Variants in KDM7A observed in about 807,000 individuals in gnomAD.
KDM7A encodes lysine-specific demethylase 7A.
KDM7A carries 28 observed loss-of-function variants against 114.8 expected under a neutral mutation model. The observed-to-expected ratio is 0.24, with a 90% CI of 0.18 to 0.33. KDM7A has a LOEUF of 0.33. KDM7A is among the 10% of genes least tolerant of loss of function. The pLI, the probability that KDM7A is intolerant of heterozygous loss-of-function variation, is 1.00. For synonymous variants in KDM7A, 423 were observed against 397.8 expected, an observed-to-expected ratio of 1.06 and a Z score of -0.75; for missense variants, 942 against 1,142.5, an observed-to-expected ratio of 0.82 and a Z score of 2.53.
At chr7:140,159,964 A>C (rs1562960278) in intron 1 of KDM7A, among the ~76,000 whole-genome samples, 1 of 151,198 alleles carries the variant, frequency 6.6e-6, no homozygotes, top group Non-Finnish European at 1.5e-5. Context: ...AAAAAAAAAA[A>C]ACCTGTACCC....
At chr7:140,165,882 G>C (rs1317513296) in intron 1 of KDM7A, among the ~76,000 whole-genome samples, 1 of 152,138 alleles carries the variant, frequency 6.6e-6, no homozygotes, top group Non-Finnish European at 1.5e-5. Context: ...AAGCTCTATG[G>C]TAAGAACAAT....
chr7:140,141,912 A>G (rs1235500517), intron 1 of KDM7A, among the ~76,000 whole-genome samples: 1 of 151,178 alleles, frequency 6.6e-6, no homozygotes, highest in Non-Finnish European at 1.5e-5. Context: ...AGAAAGATAT[A>G]TATCTTTGTT....
intron 9 of KDM7A, among the ~76,000 whole-genome samples, chr7:140,116,049 G>A (rs1818524325): frequency 6.6e-6 from 1 of 152,112 alleles, no homozygotes; most frequent in African/African-American, 2.4e-5. Context: ...AGAGCATAGA[G>A]CTTTGGGAAC....
At position 140,085,100 on chromosome 7, in the gene KDM7A, C is replaced by G. The variant is rs1424156155; in HGVS notation, c.*5994G>C. The G allele has an allele frequency of 6.6e-6, 1 of 152,356 alleles. No homozygotes were observed. Among genetic ancestry groups the G allele is most frequent in the Middle Eastern group, 3.2e-3 (1 of 316 alleles). 9.4% of individuals were successfully genotyped at this position (152,356 alleles called of 1,614,324 possible). On this transcript the variant is annotated 3_prime_UTR_variant, in exon 20 of 20. Transcript: ENST00000397560. Reference sequence around the variant, plus strand: ...AAGAAATGCTCTTCAAGCTTCAGCACCCCACCTCCCAGCCACACCCCACGC... The same window carrying G: ...AAGAAATGCTCTTCAAGCTTCAGCAGCCCACCTCCCAGCCACACCCCACGC...
chr7:140,127,492 A>G lies in KDM7A; in HGVS notation c.651T>C (p.Pro217=). The G allele has an allele frequency of 1.9e-6, 3 of 1,613,684 alleles. No homozygotes were observed. The highest frequency in any genetic ancestry group is 2.5e-6 in the Non-Finnish European group (3 of 1,179,594). The change falls in exon 5 of 20, where the codon CCT becomes CCC. Residue 217 remains proline (P), a synonymous_variant. Coordinates refer to ENST00000397560, the MANE Select transcript of KDM7A (RefSeq NM_030647.2). ...TCACATTTAACACTTTTGGTCTGTT[A>G]GGATTCATGAAGTATTTAACATAAT... The part of the protein sequence containing the change: ...LHNYVKYFMN[P]NRPKVLNVIS...
At chr7:140,123,784 T>C (rs1818652839) in intron 7 of KDM7A, among the ~76,000 whole-genome samples, 1 of 152,122 alleles carries the variant, frequency 6.6e-6, no homozygotes, top group South Asian at 2.1e-4. Flanking sequence ...TGGATAAGCC[T>C]AGAAAATAGT....
Position 140,103,458 on chromosome 7 carries a change from C to A in KDM7A, c.1429-1298G>T, listed in dbSNP as rs1036274781. Among the ~76,000 whole-genome samples the A allele has an allele frequency of 9.4e-3, 644 of 68,554 alleles. 8 individuals carry two copies. The highest frequency in any genetic ancestry group is 0.032 in the African/African-American group (586 of 18,484). The allele number at this position is 68,554 out of a possible 152,430, so 45.0% of individuals were successfully genotyped here. On this transcript the variant is annotated intron_variant, in intron 11 of 19. Transcript: ENST00000397560. ...AGGATTTCTCCTAATGTTATCCCTCCCCCCCCCTCCAACCCACGACAGGTC... is the reference window on the plus strand; with the variant it reads ...AGGATTTCTCCTAATGTTATCCCTCACCCCCCCTCCAACCCACGACAGGTC...
intron 1 of KDM7A, among the ~76,000 whole-genome samples, chr7:140,168,922 T>C (rs1270164251): frequency 1.3e-5 from 2 of 152,198 alleles, no homozygotes; most frequent in Non-Finnish European, 2.9e-5. Context: ...ATGAATCCTG[T>C]GGTGTTATAT....
At chr7:140,152,393 G>C (rs12703594) in intron 1 of KDM7A, among the ~76,000 whole-genome samples, 52,385 of 151,998 alleles carry the variant, frequency 0.34, 9,276 homozygotes, top group Middle Eastern at 0.43. Flanking sequence ...GGGAGGCCAA[G>C]GAGGATGGAT....
At chr7:140,104,122 T>G (rs1818284908) in intron 11 of KDM7A, among the ~76,000 whole-genome samples, 1 of 152,230 alleles carries the variant, frequency 6.6e-6, no homozygotes, top group African/African-American at 2.4e-5. Context: ...TTGAGAAGTG[T>G]CTGTTCCTAT....
At position 140,162,323 on chromosome 7, in the gene KDM7A, G is replaced by A. The variant is rs529712964; in HGVS notation, c.194+14421C>T. 7.1e-5 allele frequency among the ~76,000 whole-genome samples: 10 copies of A among 141,124 alleles called. 1 individual carries two copies. Among genetic ancestry groups the A allele is most frequent in the Admixed American group, 6.4e-4 (9 of 14,032 alleles). 92.6% of individuals were successfully genotyped at this position (141,124 alleles called of 152,430 possible). A position where few individuals can be genotyped will look rare whatever the true frequency, so the allele number is the denominator to read the frequency against. On this transcript the variant is annotated intron_variant, in intron 1 of 19. Coordinates refer to ENST00000397560, the MANE Select transcript of KDM7A (RefSeq NM_030647.2). ...GCACTCCAGCCTGGGCAAAAAGAGT[G>A]AAACTCAGTCTCCCAAAAAAAAAAA...
chr7:140,158,315 C>G (rs1337655789), intron 1 of KDM7A, among the ~76,000 whole-genome samples: 1 of 152,122 alleles, frequency 6.6e-6, no homozygotes, highest in Non-Finnish European at 1.5e-5. Flanking sequence ...CTTCAATAAG[C>G]CCATCTTACA....
At chr7:140,168,392 T>A (rs1256968191) in intron 1 of KDM7A, among the ~76,000 whole-genome samples, 2 of 151,812 alleles carry the variant, frequency 1.3e-5, no homozygotes, top group African/African-American at 2.4e-5. Flanking sequence ...ATGGTGAAAC[T>A]CTGTTTCTAC....
At chr7:140,161,846 A>C (rs762423752) in intron 1 of KDM7A, among the ~76,000 whole-genome samples, 4 of 152,054 alleles carry the variant, frequency 2.6e-5, no homozygotes, top group Non-Finnish European at 5.9e-5. Flanking sequence ...ATATTTATTA[A>C]TATTAAAGTA....
Position 140,089,027 on chromosome 7 carries a change from C to A in KDM7A, c.*2067G>T, listed in dbSNP as rs1817978324. ...AGCTCTTACACCTCGTATTTCTTAACCCAAAATAAAAACATGACTATTGTA... is the reference window on the plus strand; with the variant it reads ...AGCTCTTACACCTCGTATTTCTTAAACCAAAATAAAAACATGACTATTGTA... On this transcript the variant is annotated 3_prime_UTR_variant, in exon 20 of 20. Coordinates refer to ENST00000397560, the MANE Select transcript of KDM7A (RefSeq NM_030647.2). The A allele has an allele frequency of 6.6e-6, 1 of 152,090 alleles. No homozygotes were observed. 9.4% of individuals were successfully genotyped at this position (152,090 alleles called of 1,614,324 possible).
chr7:140,096,582 A>G lies in KDM7A; in HGVS notation c.2347T>C (p.Tyr783His). Residue 783 changes from tyrosine (Y) to histidine (H), a missense_variant, in exon 17 of 20, where the codon TAT (tyrosine) becomes CAT (histidine). Around this residue, in one of 4 missense-constraint regions of KDM7A, gnomAD observed 512 missense variants for 576.6 expected, o/e 0.89. Coordinates refer to ENST00000397560, the MANE Select transcript of KDM7A (RefSeq NM_030647.2). ...HGSNHEVRQL[Y>H]RYDKPVECGY... is the part of the protein sequence containing the mutation. ...CATTCCACTGGTTTATCATAGCGAT[A>G]CAACTGCCTAACCTCATGGTTACTG... 1 of 1,614,130 alleles carries G rather than the reference A, an allele frequency of 6.2e-7. No individual in the cohort carries two copies. The highest frequency in any genetic ancestry group is 8.5e-7 in the Non-Finnish European group (1 of 1,179,954).
chr7:140,100,145 C>A, intron 12 of KDM7A, 122 bp from the exon 13 acceptor site: 3 of 1,015,840 alleles, frequency 3.0e-6, no homozygotes, highest in Non-Finnish European at 4.5e-6. Context: ...AGGCAGCCAC[C>A]TGGGCTTGGG....
At chr7:140,130,254 A>T (rs1172863145) in intron 3 of KDM7A, among the ~76,000 whole-genome samples, 1 of 152,212 alleles carries the variant, frequency 6.6e-6, no homozygotes, top group East Asian at 1.9e-4. Flanking sequence ...AGTTAAGTAG[A>T]AACACCAGAA....
Position 140,176,631 on chromosome 7 carries a change from A to T in KDM7A, c.194+113T>A, listed in dbSNP as rs1253338533. On this transcript the variant is annotated intron_variant, in intron 1 of 19. Coordinates refer to ENST00000397560, the MANE Select transcript of KDM7A (RefSeq NM_030647.2). The surrounding 1 kb of genome is among the most constrained non-coding windows in gnomAD (Gnocchi z 4.4). The stretch of plus-strand genomic sequence containing the variant: ...GGGGCTAGGCACCGGGGCCCCCTGA[A>T]AGCTGGGCGCGGCGCGGCGGCCCGG... 1 of 805,150 alleles carries T rather than the reference A, an allele frequency of 1.2e-6. No homozygotes were observed. The highest frequency in any genetic ancestry group is 2.0e-5 in the African/African-American group (1 of 49,976). The allele number at this position is 805,150 out of a possible 1,614,324, so 49.9% of individuals were successfully genotyped here. A position where few individuals can be genotyped will look rare whatever the true frequency, so the allele number is the denominator to read the frequency against.
Sources: gnomAD v4.1 joint callset for allele counts (sites outside exome capture counted in the v4.1 genomes callset) on GRCh38, gnomAD v4.1.1 for gene constraint, gnomAD v4.1.1 regional missense constraint, Gnocchi (gnomAD v3.1) non-coding constraint, MANE v1.5 for transcripts, NCBI Gene and HGNC (gene_info 2026-07-23, HGNC 2026-07-21) for gene names.